Variants in TRUB2 observed in about 807,000 individuals in gnomAD.
The protein encoded by TRUB2 is pseudouridylate synthase TRUB2, mitochondrial.
In TRUB2, 31 loss-of-function variants were observed where a neutral mutation model predicts 31.9. The observed-to-expected ratio is 0.97, with a 90% CI of 0.73 to 1.31. The LOEUF is 1.31. Among genes scored for constraint, TRUB2 ranks in the 50% most tolerant of loss-of-function variants. TRUB2 has a pLI of 0.00. For missense variants in TRUB2, 451 were observed against 439.6 expected (o/e 1.03, Z -0.23); for synonymous variants, 201 against 182.6 (o/e 1.10, Z -0.81).
intron 7 of TRUB2, among the ~76,000 whole-genome samples, chr9:128,310,364 A>G (rs1831946690): frequency 1.3e-5 from 2 of 151,866 alleles, no homozygotes; most frequent in African/African-American, 4.8e-5. Flanking sequence ...ATGAGGAGTA[A>G]AAGAAATCAT....
intron 2 of TRUB2, among the ~76,000 whole-genome samples, chr9:128,319,711 TCAC>T (rs1832129848): frequency 1.3e-5 from 2 of 149,638 alleles, no homozygotes; most frequent in African/African-American, 4.9e-5. Flanking sequence ...CGATCATGGC[TCAC>T]CACAACCTCT....
rs779904023 is a variant in TRUB2, at chr9:128,308,466, G to C, written c.*1084C>G. On this transcript the variant is annotated 3_prime_UTR_variant, in exon 8 of 8. Transcript: ENST00000372890. Reference sequence around the variant, plus strand: ...GGAGAATGGCGTGAACCTGGGAAGCGGAGGTTGCAGTGAGCCTAGATCGCA... The same window carrying C: ...GGAGAATGGCGTGAACCTGGGAAGCCGAGGTTGCAGTGAGCCTAGATCGCA... The C allele has an allele frequency of 6.6e-6, 1 of 151,468 alleles. No individual in the cohort carries two copies. The highest frequency in any genetic ancestry group is 1.5e-5 in the Non-Finnish European group (1 of 67,852). 9.4% of individuals were successfully genotyped at this position (151,468 alleles called of 1,614,324 possible).
At chr9:128,311,213 C>T in intron 6 of TRUB2, 190 bp from the exon 7 acceptor site, 2 of 739,904 alleles carry the variant, frequency 2.7e-6, no homozygotes, top group Non-Finnish European at 4.3e-6. Flanking sequence ...GGCTCCAGAG[C>T]CCAAGCTCTT....
intron 7 of TRUB2, among the ~76,000 whole-genome samples, chr9:128,310,472 C>G (rs541187811): frequency 1.4e-4 from 21 of 150,980 alleles, no homozygotes; most frequent in Non-Finnish European, 2.5e-4. Context: ...TTAACATGAC[C>G]AACAGAAAAA....
rs1046040416 is a variant in TRUB2 at position 128,309,224 on chromosome 9, G to A, written c.*326C>T. On this transcript the variant is annotated 3_prime_UTR_variant, in exon 8 of 8. Transcript: ENST00000372890. ...TAGAGTGCAGTGGCTATTCACAGGC[G>A]CCGTCTAGCGCACTACAACCTTAAA... is the stretch of plus-strand genomic sequence containing the variant. 2.6e-5 allele frequency: 7 copies of A among 267,758 alleles called. No homozygotes were observed. The South Asian group carries it at 4.9e-4, about 19-fold the overall frequency. 16.6% of individuals were successfully genotyped at this position (267,758 alleles called of 1,614,324 possible). A position where few individuals can be genotyped will look rare whatever the true frequency, so the allele number is the denominator to read the frequency against.
At chr9:128,311,437 A>G in intron 6 of TRUB2, 92 bp downstream of exon 6, 3 of 1,287,970 alleles carry the variant, frequency 2.3e-6, no homozygotes, top group Non-Finnish European at 3.4e-6. Flanking sequence ...TCTAAAAACA[A>G]GATCCATGGA....
chr9:128,312,962 T>C (rs1460972038), intron 5 of TRUB2, among the ~76,000 whole-genome samples: 1 of 148,456 alleles, frequency 6.7e-6, no homozygotes, highest in Non-Finnish European at 1.5e-5. Context: ...ACACCTGTAA[T>C]CCCAGCACTT....
chr9:128,317,048 G>A (rs1483066803), intron 3 of TRUB2, 104 bp downstream of exon 3: 8 of 979,632 alleles, frequency 8.2e-6, no homozygotes, highest in African/African-American at 6.5e-5. Context: ...GGAGAGGAGT[G>A]GTGGGACGTG....
At chr9:128,315,902 A>G in intron 3 of TRUB2, 1 of 487,610 alleles carries the variant, frequency 2.1e-6, no homozygotes, top group South Asian at 2.2e-5. Context: ...GACACCTGAG[A>G]GGAAGAGATC....
chr9:128,314,984 G>A (rs1379935359), intron 4 of TRUB2, among the ~76,000 whole-genome samples: 1 of 152,124 alleles, frequency 6.6e-6, no homozygotes, highest in African/African-American at 2.4e-5. Flanking sequence ...GGTTCAAACT[G>A]AAGCCATTTG....
rs1831867480 is a variant in TRUB2 at position 128,306,493 on chromosome 9, A to T, written c.*3057T>A. On this transcript the variant is annotated 3_prime_UTR_variant, in exon 8 of 8. Coordinates refer to ENST00000372890, the MANE Select transcript of TRUB2 (RefSeq NM_015679.3). Reference sequence around the variant, plus strand: ...AGTCTCACTCTGTCACCTAGGCTGGAGTGCAGTGGCGCAATCTCCACTCAC... The same window carrying T: ...AGTCTCACTCTGTCACCTAGGCTGGTGTGCAGTGGCGCAATCTCCACTCAC... 1 of 144,924 alleles carries T rather than the reference A, an allele frequency of 6.9e-6. No individual in the cohort carries two copies. Among genetic ancestry groups the T allele is most frequent in the African/African-American group, 2.6e-5 (1 of 38,442 alleles). The allele number at this position is 144,924 out of a possible 1,614,324, so 9.0% of individuals were successfully genotyped here. A position where few individuals can be genotyped will look rare whatever the true frequency, so the allele number is the denominator to read the frequency against.
Position 128,322,310 on chromosome 9 carries a change from T to C in TRUB2, c.99A>G (p.Gln33=), listed in dbSNP as rs779940484. The change falls in exon 1 of 8, where the codon CAA becomes CAG. Residue 33 remains glutamine, a synonymous_variant. Transcript: ENST00000372890. ...WKHLRDTVEL[Q]LLKGLNARKP... ...GTTCGAGGCACTCACCCTTCAGAAGTTGTAGCTCCACTGTATCCCGCAGGT... is the reference window on the plus strand; with the variant it reads ...GTTCGAGGCACTCACCCTTCAGAAGCTGTAGCTCCACTGTATCCCGCAGGT... The C allele has an allele frequency of 1.9e-5, 31 of 1,613,866 alleles. No homozygotes were observed. Among genetic ancestry groups the C allele is most frequent in the Non-Finnish European group, 2.5e-5 (30 of 1,179,908 alleles).
In TRUB2 at chr9:128,313,893, C is replaced by G. The variant is rs757537533; in HGVS notation, c.379-4G>C. On this transcript the variant is annotated splice_region_variant and splice_polypyrimidine_tract_variant and intron_variant, in intron 4 of 7. Coordinates refer to ENST00000372890, the MANE Select transcript of TRUB2 (RefSeq NM_015679.3). ...GGAGGCCACGCACTGTGTAATCCTT[C>G]AAGGACAGGGAGGTAAAGATCCGTC... is the stretch of plus-strand genomic sequence containing the variant. 1.2e-6 allele frequency: 2 copies of G among 1,613,562 alleles called. No individual in the cohort carries two copies. Among genetic ancestry groups the G allele is most frequent in the Non-Finnish European group, 1.7e-6 (2 of 1,179,734 alleles).
intron 4 of TRUB2, 83 bp from the exon 5 acceptor site, chr9:128,313,972 G>A (rs1357657232): frequency 3.9e-5 from 50 of 1,273,474 alleles, no homozygotes; most frequent in Non-Finnish European, 5.6e-5. Context: ...GGGGGTGGGG[G>A]GTCCTCAGGT....
chr9:128,319,089 G>A (rs1417879826), intron 2 of TRUB2, among the ~76,000 whole-genome samples: 1 of 151,924 alleles, frequency 6.6e-6, no homozygotes, highest in Non-Finnish European at 1.5e-5. Context: ...CACTTTGGGA[G>A]GCCGAGGCGG....
intron 2 of TRUB2, among the ~76,000 whole-genome samples, chr9:128,318,594 G>A (rs1832108186): frequency 6.6e-6 from 1 of 151,528 alleles, no homozygotes; most frequent in Non-Finnish European, 1.5e-5. Context: ...GTGCAGTGGC[G>A]CCATCTCAAC....
chr9:128,314,354 T>C (rs1235330272), intron 4 of TRUB2, among the ~76,000 whole-genome samples: 1 of 152,116 alleles, frequency 6.6e-6, no homozygotes, highest in Non-Finnish European at 1.5e-5. Flanking sequence ...GCATGCCCTG[T>C]AGGCTTCTCT....
In TRUB2 at chr9:128,311,540, C is replaced by CT. The variant is rs1564382702; in HGVS notation, c.521dup (p.Ala175GlyfsTer17). On this transcript the variant is annotated frameshift_variant, in exon 6 of 8. Coordinates refer to ENST00000372890, the MANE Select transcript of TRUB2 (RefSeq NM_015679.3). LOFTEE classifies it high-confidence loss of function. ...AGGGCCCTACTCACATCACCAGGGC[C>CT]TTCTGATGGGAGCCTTGGATAACGG... The CT allele has an allele frequency of 6.2e-7, 1 of 1,614,136 alleles. No individual in the cohort carries two copies. The highest frequency in any genetic ancestry group is 1.1e-5 in the South Asian group (1 of 91,090).
Position 128,311,027 on chromosome 9 carries a change from C to T in TRUB2, c.534-4G>A. 2 of 1,612,672 alleles carry T rather than the reference C, an allele frequency of 1.2e-6. No homozygotes were observed. Among genetic ancestry groups the T allele is most frequent in the Non-Finnish European group, 1.7e-6 (2 of 1,179,562 alleles). Reference sequence around the variant, plus strand: ...CTTCAGGTCGAGGTTGGAGTACCTGCAGATCAGGAAGGGGGCTGCAGCTGG... The same window carrying T: ...CTTCAGGTCGAGGTTGGAGTACCTGTAGATCAGGAAGGGGGCTGCAGCTGG... On this transcript the variant is annotated splice_polypyrimidine_tract_variant and splice_region_variant and intron_variant, in intron 6 of 7. Transcript: ENST00000372890.
Sources: gnomAD v4.1 joint callset for allele counts (sites outside exome capture counted in the v4.1 genomes callset) on GRCh38, gnomAD v4.1.1 for gene constraint, MANE v1.5 for transcripts, NCBI Gene and HGNC (gene_info 2026-07-23, HGNC 2026-07-21) for gene names.